Variants in SNRPN observed in about 807,000 individuals in gnomAD.
SNRPN encodes small nuclear ribonucleoprotein-associated protein N.
In SNRPN, 7 loss-of-function variants were observed where a neutral mutation model predicts 25.2. The ratio of observed to expected loss-of-function variants is 0.28; its 90% CI spans 0.16 to 0.52. SNRPN has a LOEUF of 0.52. Among genes scored for constraint, SNRPN ranks in the 20% least tolerant of loss-of-function variants. SNRPN has a pLI of 0.96. For missense variants in SNRPN, 196 were observed against 322.5 expected (o/e 0.61, Z 3.00); for synonymous variants, 124 against 110.6 (o/e 1.12, Z -0.76).
At chr15:24,933,555 A>T (rs2061026432) in intron 3 of SNRPN, among the ~76,000 whole-genome samples, 1 of 152,182 alleles carries the variant, frequency 6.6e-6, no homozygotes, top group African/African-American at 2.4e-5. Flanking sequence ...AGGTGGGCGG[A>T]TCACCTGAGG....
In SNRPN at chr15:24,929,299, C is replaced by T. The variant is rs957590372; in HGVS notation, c.-391+9175C>T. On this transcript the variant is annotated intron_variant, in intron 3 of 11. Transcript: ENST00000400097. The surrounding 1 kb of genome is among the most constrained non-coding windows in gnomAD (Gnocchi z 5.3). ...CTTCCACATTAAGAACCCTCTCTCCCAGTGAGTGTCACCCCATTTCTGTTT... is the reference window on the plus strand; with the variant it reads ...CTTCCACATTAAGAACCCTCTCTCCTAGTGAGTGTCACCCCATTTCTGTTT... Among the ~76,000 whole-genome samples, 3 of 152,104 alleles carry T rather than the reference C, an allele frequency of 2.0e-5. No individual in the cohort carries two copies. The highest frequency in any genetic ancestry group is 4.4e-5 in the Non-Finnish European group (3 of 68,026).
intron 2 of SNRPN, among the ~76,000 whole-genome samples, chr15:24,898,932 C>G (rs1026061912): frequency 2.0e-5 from 3 of 151,928 alleles, no homozygotes; most frequent in Non-Finnish European, 4.4e-5. Context: ...AAACAGGTGG[C>G]GAGGCTGTGG....
At chr15:24,835,115 C>A (rs11635971) in intron 2 of SNRPN, among the ~76,000 whole-genome samples, 7 of 34,758 alleles carry the variant, frequency 2.0e-4, no homozygotes, top group Admixed American at 9.1e-4. Flanking sequence ...TACTATATAT[C>A]TATATATAAA....
intron 2 of SNRPN, among the ~76,000 whole-genome samples, chr15:24,966,561 C>G (rs758594857): frequency 4.6e-5 from 7 of 152,120 alleles, no homozygotes; most frequent in Admixed American, 1.3e-4. Flanking sequence ...TTTGTTTGAT[C>G]TTTTGTGGCC....
chr15:24,873,775 G>A lies in SNRPN; in HGVS notation c.-578-12741G>A, dbSNP rs183411855. On this transcript the variant is annotated intron_variant, in intron 1 of 11. Transcript: ENST00000400097. ...TCTTCTTTTTATGGTCTGAAATCAC[G>A]GAGTATATTCTCTACATCTCATTCC... is the stretch of plus-strand genomic sequence containing the variant. Among the ~76,000 whole-genome samples the A allele has an allele frequency of 1.2e-3, 175 of 152,036 alleles. 1 individual carries two copies. Among genetic ancestry groups the A allele is most frequent in the African/African-American group, 3.5e-3 (144 of 41,510 alleles).
At chr15:24,916,129 T>G (rs1006586355) in intron 2 of SNRPN, among the ~76,000 whole-genome samples, 4 of 151,970 alleles carry the variant, frequency 2.6e-5, no homozygotes, top group Admixed American at 6.6e-5. Context: ...CCTGGCTAAC[T>G]TTTGTATTTT....
At chr15:24,882,248 T>A (rs1027936567) in intron 1 of SNRPN, among the ~76,000 whole-genome samples, 1 of 152,114 alleles carries the variant, frequency 6.6e-6, no homozygotes, top group African/African-American at 2.4e-5. Context: ...AAAAAAAAAA[T>A]TCAGTTACTC....
At chr15:24,850,741 G>C (rs756882962) in intron 2 of SNRPN, 1 of 152,176 alleles carries the variant, frequency 6.6e-6, no homozygotes, top group Admixed American at 6.6e-5. Flanking sequence ...GTTCATCTTT[G>C]TGGTGGATTG....
At chr15:24,897,966 A>G (rs2058183434) in intron 2 of SNRPN, among the ~76,000 whole-genome samples, 2 of 152,138 alleles carry the variant, frequency 1.3e-5, no homozygotes, top group South Asian at 4.2e-4. Context: ...TGAATAAAAA[A>G]AGTTGCTAAA....
chr15:24,868,495 C>A (rs1422185049), intron 1 of SNRPN, among the ~76,000 whole-genome samples: 1 of 152,148 alleles, frequency 6.6e-6, no homozygotes, highest in Non-Finnish European at 1.5e-5. Context: ...TGTGATGTAC[C>A]TTCAGCTGTG....
At chr15:24,853,784 G>A (rs1294164547), upstream of SNRPN, among the ~76,000 whole-genome samples, 1 of 152,110 alleles carries the variant, frequency 6.6e-6, no homozygotes, top group African/African-American at 2.4e-5. Flanking sequence ...ATATCATGTT[G>A]ACCTTAATTT....
intron 2 of SNRPN, among the ~76,000 whole-genome samples, chr15:24,906,958 G>C (rs1429976801): frequency 1.3e-5 from 2 of 152,108 alleles, no homozygotes; most frequent in African/African-American, 2.4e-5. Context: ...AGGCTGGCAG[G>C]GGAGGGCAGA....
intron 3 of SNRPN, among the ~76,000 whole-genome samples, chr15:24,971,143 CATTT>C (rs1229279589): frequency 1.3e-5 from 2 of 152,072 alleles, no homozygotes; most frequent in African/African-American, 4.8e-5. Context: ...GTAGTTTAAT[CATTT>C]GAAAGTCTAC....
chr15:24,825,037 G>T (rs1421501632), intron 1 of SNRPN, among the ~76,000 whole-genome samples: 1 of 152,016 alleles, frequency 6.6e-6, no homozygotes, highest in Non-Finnish European at 1.5e-5. Context: ...AAGCGATTCT[G>T]GGGGGCACTT....
intron 1 of SNRPN, among the ~76,000 whole-genome samples, chr15:24,879,777 C>G (rs1263616571): frequency 6.6e-6 from 1 of 152,168 alleles, no homozygotes; most frequent in Non-Finnish European, 1.5e-5. Flanking sequence ...TTGCCGATAG[C>G]TGCCTTAATG....
intron 1 of SNRPN, among the ~76,000 whole-genome samples, chr15:24,883,410 G>T (rs2056913883): frequency 6.6e-6 from 1 of 152,162 alleles, no homozygotes; most frequent in South Asian, 2.1e-4. Context: ...TAGCCCACAG[G>T]GGCTGAAGCT....
intron 1 of SNRPN, among the ~76,000 whole-genome samples, chr15:24,873,330 C>CT (rs540776442): frequency 0.098 from 10,395 of 105,790 alleles, 2,715 homozygotes; most frequent in Non-Finnish European, 0.12. Flanking sequence ...GTTTTTGTTT[C>CT]TTTTTTTTTT....
At chr15:24,876,838 T>G (rs2055948961) in intron 1 of SNRPN, among the ~76,000 whole-genome samples, 1 of 152,130 alleles carries the variant, frequency 6.6e-6, no homozygotes, top group Non-Finnish European at 1.5e-5. Flanking sequence ...AATGGGAATG[T>G]ATAGAATGCA....
intron 1 of SNRPN, among the ~76,000 whole-genome samples, chr15:24,960,908 T>A (rs542042283): frequency 6.6e-6 from 1 of 152,332 alleles, no homozygotes; most frequent in South Asian, 2.1e-4. Context: ...GGCATAAATG[T>A]GTCTGTCACC....
Sources: allele counts gnomAD v4.1 joint callset (sites outside exome capture counted in the v4.1 genomes callset), GRCh38; gene constraint gnomAD v4.1.1; non-coding constraint Gnocchi (gnomAD v3.1); transcripts MANE v1.5; gene names NCBI Gene and HGNC (gene_info 2026-07-23, HGNC 2026-07-21).